The following FYCO1 variants were observed in gnomAD, a reference collection of about 807,000 sequenced individuals.
The protein encoded by FYCO1 is FYVE and coiled-coil domain autophagy adaptor 1.
In FYCO1, 122 loss-of-function variants were observed where a neutral mutation model predicts 165.1. That is an observed-to-expected ratio of 0.74 (90% CI 0.64 to 0.86). FYCO1 has a LOEUF of 0.86. FYCO1 is among the 40% of genes least tolerant of loss of function. The pLI is 0.00. For synonymous variants in FYCO1, 648 were observed against 742.5 expected, an observed-to-expected ratio of 0.87 and a Z score of 2.07; for missense variants, 1,702 against 1,810.3, an observed-to-expected ratio of 0.94 and a Z score of 1.09.
chr3:45,940,484 A>G (rs1704159027), intron 14 of FYCO1, among the ~76,000 whole-genome samples: 1 of 152,226 alleles, frequency 6.6e-6, no homozygotes, highest in Admixed American at 6.5e-5. Context: ...CACCTCCAGT[A>G]AACAGTCTGA....
intron 4 of FYCO1, among the ~76,000 whole-genome samples, chr3:45,977,402 TATATAAAG>T (rs1486306952): frequency 2.7e-5 from 2 of 75,376 alleles, no homozygotes; most frequent in African/African-American, 7.3e-5. Context: ...TATATATATA[TATATAAAG>T]GGAACTATTT....
chr3:45,977,623 G>A (rs1165560490), intron 4 of FYCO1, among the ~76,000 whole-genome samples: 1 of 151,614 alleles, frequency 6.6e-6, no homozygotes, highest in Non-Finnish European at 1.5e-5. Context: ...AAATCTGCAG[G>A]GTACAGGAGA....
At chr3:45,922,829 G>A (rs1289813750) in intron 17 of FYCO1, among the ~76,000 whole-genome samples, 2 of 152,172 alleles carry the variant, frequency 1.3e-5, no homozygotes, top group Middle Eastern at 3.2e-3. Context: ...ACCCATGCTG[G>A]GGATGTGACC....
chr3:45,979,635 G>T (rs1706945013), intron 4 of FYCO1, 70 bp downstream of exon 4: 4 of 1,585,548 alleles, frequency 2.5e-6, no homozygotes, highest in East Asian at 2.3e-5. Flanking sequence ...CTGCAGCAAA[G>T]GTCTCTGCAA....
At chr3:45,971,419 T>A (rs948190944) in intron 6 of FYCO1, among the ~76,000 whole-genome samples, 8 of 152,332 alleles carry the variant, frequency 5.3e-5, no homozygotes, top group Middle Eastern at 3.4e-3. Context: ...TTTCAGCATG[T>A]CTTCCCATAA....
Position 45,968,358 on chromosome 3 carries a change from C to T in FYCO1, c.976G>A (p.Ala326Thr), listed in dbSNP as rs752168800. The T allele has an allele frequency of 6.2e-7, 1 of 1,613,676 alleles. No homozygotes were observed. ...TGGTAGTCCTCCTCCTTCTCTGCTG[C>T]TCCTAGCTCCAGGCCCTGCAGGCAT... The part of the protein sequence containing the change: ...QTCLQGLELG[A>T]AEKEEDYHTA... Residue 326 changes from alanine to threonine, a missense_variant, in exon 8 of 18, where the codon GCA (alanine) becomes ACA (threonine). By Grantham distance (58) the Ala-to-Thr change is moderately conservative (BLOSUM62 0). Coordinates refer to ENST00000296137, the MANE Select transcript of FYCO1 (RefSeq NM_024513.4).
chr3:45,971,673 T>C (rs970598012), intron 6 of FYCO1, among the ~76,000 whole-genome samples: 2 of 152,210 alleles, frequency 1.3e-5, no homozygotes, highest in African/African-American at 4.8e-5. Flanking sequence ...ACAAAATAAC[T>C]GGCCTGTATT....
chr3:45,949,505 G>T (rs1443243721), intron 14 of FYCO1, among the ~76,000 whole-genome samples: 2 of 152,162 alleles, frequency 1.3e-5, no homozygotes, highest in Non-Finnish European at 2.9e-5. Flanking sequence ...GAGAATGCAG[G>T]CTCTGGGCTC....
At chr3:45,963,870 C>T (rs1705841156) in intron 10 of FYCO1, among the ~76,000 whole-genome samples, 1 of 152,170 alleles carries the variant, frequency 6.6e-6, no homozygotes, top group African/African-American at 2.4e-5. Flanking sequence ...TGGTCCTTGG[C>T]ACACTCATCT....
At chr3:45,947,323 C>T in intron 14 of FYCO1, 3 of 1,614,198 alleles carry the variant, frequency 1.9e-6, no homozygotes, top group East Asian at 2.2e-5. Context: ...TACCTGAGGG[C>T]CTGCCTTAAC....
At chr3:45,970,092 C>A (rs2125855533) in intron 6 of FYCO1, among the ~76,000 whole-genome samples, 1 of 152,276 alleles carries the variant, frequency 6.6e-6, no homozygotes, top group South Asian at 2.1e-4. Flanking sequence ...GAACAAGCAG[C>A]AGTCAGTTTG....
At chr3:45,985,139 A>G (rs1337350513) in intron 1 of FYCO1, 117 bp from the exon 2 acceptor site, 1 of 633,140 alleles carries the variant, frequency 1.6e-6, no homozygotes, top group Non-Finnish European at 2.9e-6. Flanking sequence ...TTCCCTCAAC[A>G]GGAGGGCTTG....
Position 45,966,980 on chromosome 3 carries a change from A to G in FYCO1, c.2354T>C (p.Val785Ala). 1.2e-6 allele frequency: 2 copies of G among 1,612,488 alleles called. No individual in the cohort carries two copies. Among genetic ancestry groups the G allele is most frequent in the South Asian group, 1.1e-5 (1 of 91,042 alleles). ...CACCACCTGAGCCTGCAGCCGTTGG[A>G]CCTCCCCCTGATGGACTTCCAGCTG... ...QAQLEVHQGE[V>A]QRLQAQVVDL... The change falls in exon 8 of 18, where the codon GTC becomes GCC. Residue 785 changes from valine to alanine, a missense_variant. Transcript: ENST00000296137.
chr3:45,979,264 T>C lies in FYCO1; in HGVS notation c.288+441A>G, dbSNP rs560770700. On this transcript the variant is annotated intron_variant, in intron 4 of 17. Transcript: ENST00000296137. ...CATCACTGTTTTAAGAAATGTCTCT[T>C]GAGATCCCACATCATTCTTATTTCA... 2.6e-5 allele frequency among the ~76,000 whole-genome samples: 4 copies of C among 152,332 alleles called. No individual in the cohort carries two copies. The South Asian group carries it at 8.3e-4, about 32-fold the overall frequency.
At chr3:45,934,483 C>T (rs771159982) in intron 15 of FYCO1, among the ~76,000 whole-genome samples, 1 of 152,214 alleles carries the variant, frequency 6.6e-6, no homozygotes, top group Non-Finnish European at 1.5e-5. Context: ...AGGGAAGTAG[C>T]AGCACACATA....
chr3:45,994,067 T>C (rs1424442992), intron 1 of FYCO1, among the ~76,000 whole-genome samples: 4 of 152,192 alleles, frequency 2.6e-5, no homozygotes, highest in Admixed American at 1.3e-4. Flanking sequence ...CAAACATCTA[T>C]GGGGGCCATC....
intron 6 of FYCO1, among the ~76,000 whole-genome samples, chr3:45,972,693 AC>A (rs1706508942): frequency 6.6e-6 from 1 of 152,136 alleles, no homozygotes; most frequent in African/African-American, 2.4e-5. Flanking sequence ...CTTTCCTGCA[AC>A]CCTTATGTGG....
Position 45,958,633 on chromosome 3 carries a change from A to G in FYCO1, c.3588-14T>C, listed in dbSNP as rs1334946253. 1 of 1,612,976 alleles carries G rather than the reference A, an allele frequency of 6.2e-7. No individual in the cohort carries two copies. Among genetic ancestry groups the G allele is most frequent in the African/African-American group, 1.3e-5 (1 of 74,920 alleles). On this transcript the variant is annotated splice_polypyrimidine_tract_variant and intron_variant, in intron 12 of 17. Coordinates refer to ENST00000296137, the MANE Select transcript of FYCO1 (RefSeq NM_024513.4). ...CGGCCACATATCCTGGGAACAAAAC[A>G]AGCCCAGGCTGTGAGGATGACACAC... is the stretch of plus-strand genomic sequence containing the variant.
At chr3:45,958,775 T>C in intron 12 of FYCO1, 156 bp from the exon 13 acceptor site, 1 of 737,310 alleles carries the variant, frequency 1.4e-6, no homozygotes, top group South Asian at 1.5e-5. Flanking sequence ...TTCATAAGAT[T>C]CCAACAAAGC....
Sources: allele counts gnomAD v4.1 joint callset (sites outside exome capture counted in the v4.1 genomes callset), GRCh38; gene constraint gnomAD v4.1.1; transcripts MANE v1.5; gene names NCBI Gene and HGNC (gene_info 2026-07-23, HGNC 2026-07-21).